DACH2: variants seen among roughly 807,000 people sequenced by gnomAD.
DACH2 encodes dachshund family transcription factor 2.
Under a neutral mutation model 35.8 loss-of-function variants are expected in DACH2, and 17 were observed. The observed-to-expected ratio is 0.48, with a 90% CI of 0.33 to 0.71. DACH2 has a LOEUF of 0.71. DACH2 is among the 30% of genes least tolerant of loss of function. The pLI is 0.02. For missense variants in DACH2, 469 were observed against 472.7 expected (o/e 0.99, Z 0.07); for synonymous variants, 195 against 177.3 (o/e 1.10, Z -0.79).
chrX:86,491,828 C>A (rs1427110324), intron 2 of DACH2, among the ~76,000 whole-genome samples: 1 of 111,613 alleles, frequency 9.0e-6, no homozygotes, highest in Admixed American at 9.6e-5. Flanking sequence ...TAACTGACAA[C>A]TCACCTTTCT....
chrX:86,277,294 A>T (rs1338655908), intron 1 of DACH2, among the ~76,000 whole-genome samples: 1 of 111,820 alleles, frequency 8.9e-6, no homozygotes, highest in Non-Finnish European at 1.9e-5. Context: ...TATTGTAAAC[A>T]GATGACTTTT....
intron 1 of DACH2, among the ~76,000 whole-genome samples, chrX:86,375,256 T>C (rs1357684803): frequency 9.5e-6 from 1 of 105,757 alleles, no homozygotes; most frequent in Non-Finnish European, 1.9e-5. Flanking sequence ...GATTTCAGAG[T>C]CTAAGTTTAA....
rs754372340 is a variant in DACH2, at chrX:86,148,917, C to G, written c.297C>G (p.Leu99=). The G allele has an allele frequency of 1.5e-5, 18 of 1,211,058 alleles. No individual in the cohort carries two copies. In the Admixed American group the frequency reaches 3.9e-4, roughly 26 times the overall value. The change falls in exon 1 of 12, where the codon CTC becomes CTG. Residue 99 remains leucine (L), a synonymous_variant. Coordinates refer to ENST00000373125, the MANE Select transcript of DACH2 (RefSeq NM_053281.3). ...ICLPQVFDLF[L]KHLVGGLHTV... ...TGCCGCAAGTCTTTGATCTTTTTCT[C>G]AAGCACCTGGTGGGAGGCTTGCACA...
chrX:86,506,815 G>A (rs2038330589), intron 2 of DACH2, among the ~76,000 whole-genome samples: 1 of 111,734 alleles, frequency 8.9e-6, no homozygotes, highest in Non-Finnish European at 1.9e-5. Flanking sequence ...TTCTCTTGCT[G>A]TGTAATGTAA....
intron 1 of DACH2, among the ~76,000 whole-genome samples, chrX:86,230,954 C>G (rs1349571838): frequency 1.8e-5 from 2 of 111,815 alleles, no homozygotes; most frequent in African/African-American, 6.5e-5. Flanking sequence ...TTTCATTTAT[C>G]TTTTGTACTT....
intron 7 of DACH2, among the ~76,000 whole-genome samples, chrX:86,776,364 C>T (rs1002389899): frequency 8.1e-5 from 9 of 111,377 alleles, no homozygotes; most frequent in Non-Finnish European, 1.7e-4. Flanking sequence ...AAGCTAATTA[C>T]TTCCCAAAGG....
At chrX:86,283,260 G>A (rs1218443995) in intron 1 of DACH2, among the ~76,000 whole-genome samples, 2 of 111,160 alleles carry the variant, frequency 1.8e-5, no homozygotes, top group Admixed American at 1.9e-4. Flanking sequence ...GGAGAAATAG[G>A]GACACTTTTA....
intron 2 of DACH2, among the ~76,000 whole-genome samples, chrX:86,491,148 A>G (rs1396085739): frequency 8.9e-6 from 1 of 112,197 alleles, no homozygotes; most frequent in Non-Finnish European, 1.9e-5. Context: ...ATAGTTCTAC[A>G]TGAAAATAAA....
intron 2 of DACH2, among the ~76,000 whole-genome samples, chrX:86,460,346 T>A (rs1452546058): frequency 9.0e-6 from 1 of 111,067 alleles, no homozygotes; most frequent in Admixed American, 9.6e-5. Context: ...ATGTTTAGAA[T>A]ATGTTTTCTC....
chrX:86,478,542 C>CTTTTT (rs767463672), intron 2 of DACH2, among the ~76,000 whole-genome samples: 2 of 86,945 alleles, frequency 2.3e-5, no homozygotes, highest in Non-Finnish European at 4.6e-5. Context: ...TTTTGTTTTT[C>CTTTTT]TTTTTTTTTT....
Position 86,703,952 on chromosome X carries a change from A to G in DACH2, c.931+8773A>G, listed in dbSNP as rs374582312. On this transcript the variant is annotated intron_variant, in intron 5 of 11. Transcript: ENST00000373125. ...CAATGCCATTATTAACAAAAAAACT[A>G]TCATAAAATTCATATGGAAGAAAAA... Among the ~76,000 whole-genome samples, 15 of 112,319 alleles carry G rather than the reference A, an allele frequency of 1.3e-4. No homozygotes were observed. In the East Asian group the frequency reaches 3.1e-3, roughly 23 times the overall value.
At chrX:86,608,271 G>A (rs1459802481) in intron 3 of DACH2, among the ~76,000 whole-genome samples, 1 of 111,400 alleles carries the variant, frequency 9.0e-6, no homozygotes, top group East Asian at 2.9e-4. Flanking sequence ...GAAACAACAG[G>A]TGCTGGAGAG....
At chrX:86,613,536 T>A (rs181605012) in intron 3 of DACH2, among the ~76,000 whole-genome samples, 9 of 112,071 alleles carry the variant, frequency 8.0e-5, no homozygotes, top group Non-Finnish European at 1.9e-5. Flanking sequence ...GGGCAATGAC[T>A]TCCCAATGGT....
intron 1 of DACH2, among the ~76,000 whole-genome samples, chrX:86,283,871 T>TAC (rs111448832): frequency 0.018 from 1,805 of 101,827 alleles, 25 homozygotes; most frequent in African/African-American, 0.04. Flanking sequence ...TTAAAGTATA[T>TAC]ACACACACAC....
chrX:86,567,070 T>A (rs1467901367), intron 3 of DACH2, among the ~76,000 whole-genome samples: 1 of 111,480 alleles, frequency 9.0e-6, no homozygotes, highest in African/African-American at 3.2e-5. Flanking sequence ...TCAGTGTATG[T>A]CTTGAAGGAC....
intron 3 of DACH2, among the ~76,000 whole-genome samples, chrX:86,634,963 G>A: frequency 9.0e-6 from 1 of 111,055 alleles, no homozygotes; most frequent in Admixed American, 9.6e-5. Context: ...CATGCCCACT[G>A]AAAATATTCC....
chrX:86,227,104 G>A lies in DACH2; in HGVS notation c.488+77996G>A, dbSNP rs768037137. Among the ~76,000 whole-genome samples the A allele has an allele frequency of 2.0e-3, 223 of 111,033 alleles. 2 individuals are homozygous for A. The highest frequency in any genetic ancestry group is 6.8e-3 in the African/African-American group (208 of 30,695). ...ATAATTTAATGGATGAAATTATTAGGCACTTAAAAATACTGGTTTACATTT... is the reference window on the plus strand; with the variant it reads ...ATAATTTAATGGATGAAATTATTAGACACTTAAAAATACTGGTTTACATTT... On this transcript the variant is annotated intron_variant, in intron 1 of 11. Transcript: ENST00000373125.
chrX:86,298,311 T>G (rs924381680), intron 1 of DACH2, among the ~76,000 whole-genome samples: 1 of 111,891 alleles, frequency 8.9e-6, no homozygotes, highest in African/African-American at 3.2e-5. Flanking sequence ...TGTGGGAGGC[T>G]GATTTCTGAT....
chrX:86,429,330 A>T (rs2036945079), intron 2 of DACH2, among the ~76,000 whole-genome samples: 1 of 110,919 alleles, frequency 9.0e-6, no homozygotes. Context: ...ATTTTACCCC[A>T]TACTTTTTAT....
Sources: allele counts gnomAD v4.1 joint callset (sites outside exome capture counted in the v4.1 genomes callset), GRCh38; gene constraint gnomAD v4.1.1; transcripts MANE v1.5; gene names NCBI Gene and HGNC (gene_info 2026-07-23, HGNC 2026-07-21).